SCAF4: variants seen among roughly 807,000 people sequenced by gnomAD.
The protein encoded by SCAF4 is SR-related and CTD-associated factor 4.
In SCAF4, 25 loss-of-function variants were observed where a neutral mutation model predicts 129.8. The ratio of observed to expected loss-of-function variants is 0.19; its 90% confidence interval spans 0.14 to 0.27. The LOEUF is 0.27. SCAF4 is among the 10% of genes least tolerant of loss of function. The probability of loss-of-function intolerance (pLI) is 1.00; values close to 1 mark genes in which losing one functional copy is unlikely to be tolerated. For missense variants in SCAF4, 1,246 were observed against 1,457.1 expected (o/e 0.86, Z 2.36); for synonymous variants, 551 against 497.7 (o/e 1.11, Z -1.43).
rs762154526 is a variant in SCAF4 at position 31,694,842 on chromosome 21, C to T, written c.1207G>A (p.Glu403Lys). The change falls in exon 10 of 20, where the codon GAA (glutamate) becomes AAA (lysine). Residue 403 changes from glutamate to lysine, a missense_variant. This residue lies in a region of SCAF4 where 236 missense variants were observed against 210.0 expected (regional missense o/e 1.12). Transcript: ENST00000286835. ...TGATGCGGCTTCTGTGTAAGTGGTT[C>T]ATTTTGTGCCTGAAAAGAAGCTTGG... ...PFQASFQAQN[E>K]PLTQKPHQQE... 6 of 1,613,968 alleles carry T rather than the reference C, an allele frequency of 3.7e-6. No individual in the cohort carries two copies. Among genetic ancestry groups the T allele is most frequent in the Admixed American group, 3.3e-5 (2 of 60,000 alleles).
chr21:31,703,026 T>C lies in SCAF4; in HGVS notation c.322-647A>G, dbSNP rs1307636677. Among the ~76,000 whole-genome samples, 9 of 152,296 alleles carry C rather than the reference T, an allele frequency of 5.9e-5. No individual in the cohort carries two copies. The East Asian group carries it at 1.7e-3, about 29-fold the overall frequency. ...CTCCTATCTACTTATAGTCAGCTAC[T>C]ATATCTGTAATGTTTTTCTACTTTT... On this transcript the variant is annotated intron_variant, in intron 4 of 19. Transcript: ENST00000286835.
At chr21:31,724,541 G>A (rs980105198) in intron 1 of SCAF4, among the ~76,000 whole-genome samples, 2 of 152,090 alleles carry the variant, frequency 1.3e-5, no homozygotes, top group Non-Finnish European at 2.9e-5. Flanking sequence ...TAACACTAAA[G>A]GTTCATTACT....
intron 7 of SCAF4, among the ~76,000 whole-genome samples, chr21:31,697,521 G>A (rs528454408): frequency 6.6e-6 from 1 of 152,308 alleles, no homozygotes; most frequent in East Asian, 1.9e-4. Context: ...TAAGAAACAT[G>A]ATTAAGATTG....
In SCAF4 at chr21:31,702,359, C is replaced by T. The variant is rs944004080; in HGVS notation, c.342G>A (p.Leu114=). 22 of 1,613,774 alleles carry T rather than the reference C, an allele frequency of 1.4e-5. No homozygotes were observed. The highest frequency in any genetic ancestry group is 1.8e-5 in the Non-Finnish European group (21 of 1,179,878). The change falls in exon 5 of 20, where the codon CTG becomes CTA. Residue 114 remains leucine (L), a synonymous_variant. Coordinates refer to ENST00000286835, the MANE Select transcript of SCAF4 (RefSeq NM_020706.2). The stretch of plus-strand genomic sequence containing the variant: ...ACACTCCATTTTTTTGCCAAAGGTT[C>T]AGCACACGAACTATTTTACTCTGTT... The part of the protein sequence containing the change: ...SEDKSKIVRV[L]NLWQKNGVFK...
chr21:31,725,353 C>A (rs2051176585), intron 1 of SCAF4, among the ~76,000 whole-genome samples: 1 of 152,062 alleles, frequency 6.6e-6, no homozygotes, highest in Non-Finnish European at 1.5e-5. Context: ...AATAGTCATA[C>A]AGAACAATTT....
chr21:31,701,025 G>A lies in SCAF4; in HGVS notation c.747C>T (p.Pro249=), dbSNP rs1183514365. 1.2e-6 allele frequency: 2 copies of A among 1,613,948 alleles called. No homozygotes were observed. Among genetic ancestry groups the A allele is most frequent in the Admixed American group, 1.7e-5 (1 of 59,992 alleles). ...TQPSEQKAAF[P]PPEQKTAFDK... The stretch of plus-strand genomic sequence containing the variant: ...CAAATGCAGTTTTCTGTTCAGGTGG[G>A]GGGAAAGCAGCTTTTTGTTCAGATG... The change falls in exon 7 of 20, where the codon CCC becomes CCT. Residue 249 remains proline, a synonymous_variant. Transcript: ENST00000286835.
chr21:31,707,494 G>A (rs183852293), intron 1 of SCAF4, among the ~76,000 whole-genome samples: 154 of 152,136 alleles, frequency 1.0e-3, no homozygotes, highest in Middle Eastern at 6.8e-3. Flanking sequence ...GTCCATAGAG[G>A]GTTATAAAGA....
At chr21:31,687,908 T>C (rs763955887) in intron 16 of SCAF4, among the ~76,000 whole-genome samples, 1 of 151,804 alleles carries the variant, frequency 6.6e-6, no homozygotes, top group African/African-American at 2.4e-5. Flanking sequence ...AGGAGTTTGA[T>C]ACGAGCCTGG....
chr21:31,703,948 A>G (rs1357365452), intron 3 of SCAF4, 22 bp from the exon 4 acceptor site: 7 of 1,471,606 alleles, frequency 4.8e-6, no homozygotes, highest in Non-Finnish European at 6.4e-6. Context: ...AAGATGTAAG[A>G]TCAGTACAGA....
chr21:31,693,541 T>C (rs1013710152), intron 11 of SCAF4, 57 bp from the exon 12 acceptor site: 9 of 1,164,100 alleles, frequency 7.7e-6, no homozygotes, highest in South Asian at 5.0e-5. Context: ...CCAGAAAATA[T>C]AAGCACATAC....
intron 1 of SCAF4, 50 bp downstream of exon 1, chr21:31,731,613 C>A: frequency 6.3e-7 from 1 of 1,577,782 alleles, no homozygotes; most frequent in Non-Finnish European, 8.6e-7. Context: ...AGAAACGAGC[C>A]CCGGCTCCCG....
chr21:31,699,864 T>C lies in SCAF4; in HGVS notation c.777+1131A>G, dbSNP rs191768904. On this transcript the variant is annotated intron_variant, in intron 7 of 19. Coordinates refer to ENST00000286835, the MANE Select transcript of SCAF4 (RefSeq NM_020706.2). ...ATTTCAATGAGAAGCTCTAAGCTGTTCAGCATATCCATATCCTTAGTGGCA... is the reference window on the plus strand; with the variant it reads ...ATTTCAATGAGAAGCTCTAAGCTGTCCAGCATATCCATATCCTTAGTGGCA... Among the ~76,000 whole-genome samples the C allele has an allele frequency of 4.6e-4, 70 of 152,346 alleles. 1 individual carries two copies. Among genetic ancestry groups the C allele is most frequent in the Admixed American group, 4.2e-3 (64 of 15,298 alleles).
intron 1 of SCAF4, among the ~76,000 whole-genome samples, chr21:31,717,826 C>CATATATATATATAT (rs796625672): frequency 2.4e-4 from 26 of 110,282 alleles, no homozygotes; most frequent in East Asian, 2.3e-3. Flanking sequence ...AAACTGCTGC[C>CATATATATATATAT]ATATATATAT....
chr21:31,692,314 G>T, intron 13 of SCAF4, 35 bp downstream of exon 13: 1 of 1,474,680 alleles, frequency 6.8e-7, no homozygotes, highest in Non-Finnish European at 9.5e-7. Flanking sequence ...AATCACACCT[G>T]TCCATCGTAC....
chr21:31,726,148 C>A (rs1241287780), intron 1 of SCAF4, among the ~76,000 whole-genome samples: 2 of 151,832 alleles, frequency 1.3e-5, no homozygotes, highest in Non-Finnish European at 2.9e-5. Context: ...CGGGTTCACA[C>A]CATTCTCCTG....
At position 31,701,006 on chromosome 21, in the gene SCAF4, C is replaced by A. The variant is rs746816652; in HGVS notation, c.766G>T (p.Ala256Ser). 6.2e-6 allele frequency: 10 copies of A among 1,613,828 alleles called. No homozygotes were observed. The Admixed American group carries it at 1.5e-4, about 24-fold the overall frequency. ...AAFPPPEQKT[A>S]FDKKLLDRFD... ...TGAGAGAAATATACCTTGTCAAATG[C>A]AGTTTTCTGTTCAGGTGGGGGGAAA... The change falls in exon 7 of 20, where the codon GCA (alanine) becomes TCA (serine). Residue 256 changes from alanine to serine, a missense_variant. Around this residue, in one of 6 missense-constraint regions of SCAF4, gnomAD observed 4 missense variants for 16.4 expected, o/e 0.24. Coordinates refer to ENST00000286835, the MANE Select transcript of SCAF4 (RefSeq NM_020706.2).
chr21:31,714,535 C>A (rs186100686), intron 1 of SCAF4, among the ~76,000 whole-genome samples: 25 of 152,276 alleles, frequency 1.6e-4, no homozygotes, highest in Non-Finnish European at 3.2e-4. Flanking sequence ...ACACAAAATC[C>A]TCTAAAAATT....
At chr21:31,694,648 G>A (rs2050340312) in intron 10 of SCAF4, among the ~76,000 whole-genome samples, 165 bp downstream of exon 10, 2 of 152,310 alleles carry the variant, frequency 1.3e-5, no homozygotes, top group Admixed American at 6.5e-5. Context: ...GGCAGTATTA[G>A]CATGTCCACT....
chr21:31,682,153 G>A (rs149672231), intron 19 of SCAF4, among the ~76,000 whole-genome samples: 73 of 152,140 alleles, frequency 4.8e-4, no homozygotes, highest in African/African-American at 1.7e-3. Context: ...GGCCAGGTGC[G>A]GTGGCTCACG....
Sources: allele counts gnomAD v4.1 joint callset (sites outside exome capture counted in the v4.1 genomes callset), GRCh38; gene constraint gnomAD v4.1.1; regional missense constraint gnomAD v4.1.1; transcripts MANE v1.5; gene names NCBI Gene and HGNC (gene_info 2026-07-23, HGNC 2026-07-21).